ZNF14: variants seen among roughly 807,000 people sequenced by gnomAD.
The protein encoded by ZNF14 is gonadotropin inducible transcription repressor-4.
A neutral mutation model predicts 11.3 loss-of-function variants in ZNF14; 9 were observed. The ratio of observed to expected loss-of-function variants is 0.80; its 90% CI spans 0.48 to 1.39. The LOEUF (loss-of-function observed/expected upper bound fraction) is 1.39. Among genes scored for constraint, ZNF14 ranks in the 40% most tolerant of loss-of-function variants. ZNF14 has a pLI of 0.00. For synonymous variants in ZNF14, 239 were observed against 245.7 expected, an observed-to-expected ratio of 0.97 and a Z score of 0.25; for missense variants, 711 against 763.9, an observed-to-expected ratio of 0.93 and a Z score of 0.82.
At position 19,711,694 on chromosome 19, in the gene ZNF14, C is replaced by T. The variant is rs1351504278; in HGVS notation, c.1587G>A (p.Lys529=). ...REHEKIHTGN[K]PFECKQCGKA... ...TACCACATTGCTTACACTCAAAAGG[C>T]TTATTTCCAGTGTGAATTTTTTCAT... Residue 529 remains lysine, a synonymous_variant, in exon 4 of 4, where the codon AAG becomes AAA. Transcript: ENST00000344099. 21 of 1,613,422 alleles carry T rather than the reference C, an allele frequency of 1.3e-5. No individual in the cohort carries two copies. The highest frequency in any genetic ancestry group is 1.4e-5 in the Non-Finnish European group (17 of 1,179,876).
At chr19:19,721,244 C>T (rs2062392750) in intron 1 of ZNF14, among the ~76,000 whole-genome samples, 1 of 152,170 alleles carries the variant, frequency 6.6e-6, no homozygotes, top group African/African-American at 2.4e-5. Context: ...GCATGAGCCA[C>T]CACCCCCGGC....
In ZNF14 at chr19:19,722,810, G is replaced by C. The variant is rs181955462; in HGVS notation, c.4-8323C>G. Among the ~76,000 whole-genome samples the C allele has an allele frequency of 2.0e-4, 31 of 152,252 alleles. No homozygotes were observed. In the East Asian group the frequency reaches 5.2e-3, roughly 26 times the overall value. ...CTTGAAGAGGTCCTTCACATCCCTT[G>C]TAAGTTGGATTCCTAGGTATTTTAT... On this transcript the variant is annotated intron_variant, in intron 1 of 3. Coordinates refer to ENST00000344099, the MANE Select transcript of ZNF14 (RefSeq NM_021030.3).
rs1001554854 is a variant in ZNF14, at chr19:19,714,450, G to T, written c.41C>A (p.Thr14Asn). ...ATCCAGCAAAGCCCACTCCTCCAGG[G>T]TGAAGTTCACGGCCACATCCTCAAA... ...VSFEDVAVNF[T>N]LEEWALLDSS... Residue 14 changes from threonine (T) to asparagine (N), a missense_variant, in exon 2 of 4, where the codon ACC becomes AAC. Physicochemically the swap from Thr to Asn is moderately conservative, Grantham distance 65. Coordinates refer to ENST00000344099, the MANE Select transcript of ZNF14 (RefSeq NM_021030.3). 16 of 1,613,916 alleles carry T rather than the reference G, an allele frequency of 9.9e-6. No homozygotes were observed. Among genetic ancestry groups the T allele is most frequent in the Non-Finnish European group, 1.4e-5 (16 of 1,179,996 alleles).
chr19:19,717,741 G>A (rs559524872), intron 1 of ZNF14, among the ~76,000 whole-genome samples: 1 of 152,250 alleles, frequency 6.6e-6, no homozygotes, highest in Admixed American at 6.5e-5. Context: ...CACAGCTCGG[G>A]CACAGGCTCA....
chr19:19,729,519 G>A (rs986567515), intron 1 of ZNF14, among the ~76,000 whole-genome samples: 3 of 151,922 alleles, frequency 2.0e-5, no homozygotes, highest in Admixed American at 6.6e-5. Flanking sequence ...GTTTCACCAC[G>A]TTGGCCAGGC....
rs1196348817 is a variant in ZNF14 at position 19,712,255 on chromosome 19, T to C, written c.1026A>G (p.Lys342=). ...GACAGGAATTAGAAGAGTTGAAGGCTTTCCCACATTCTTTACATTTATAAG... is the reference window on the plus strand; with the variant it reads ...GACAGGAATTAGAAGAGTTGAAGGCCTTCCCACATTCTTTACATTTATAAG... ...ARPYKCKECG[K]AFNSSNSCRV... The change falls in exon 4 of 4, where the codon AAA becomes AAG. Residue 342 remains lysine (K), a synonymous_variant. Coordinates refer to ENST00000344099, the MANE Select transcript of ZNF14 (RefSeq NM_021030.3). The C allele has an allele frequency of 1.2e-6, 2 of 1,613,716 alleles. No homozygotes were observed. Among genetic ancestry groups the C allele is most frequent in the South Asian group, 1.1e-5 (1 of 90,982 alleles).
rs751138747 is a variant in ZNF14 at position 19,713,004 on chromosome 19, T to C, written c.277A>G (p.Asn93Asp). 2 of 1,614,046 alleles carry C rather than the reference T, an allele frequency of 1.2e-6. No homozygotes were observed. Among genetic ancestry groups the C allele is most frequent in the African/African-American group, 2.7e-5 (2 of 74,954 alleles). ...TTTGCTCCAGTAAAAGTTTCCTTGTTGATATTAACATTTGGCATCTGGCTA... is the reference window on the plus strand; with the variant it reads ...TTTGCTCCAGTAAAAGTTTCCTTGTCGATATTAACATTTGGCATCTGGCTA... ...TTSQMPNVNI[N>D]KETFTGAKPH... Residue 93 changes from asparagine (N) to aspartate (D), a missense_variant, in exon 4 of 4, where the codon AAC becomes GAC. Physicochemically the swap from Asn to Asp is conservative, Grantham distance 23 (BLOSUM62 1). Coordinates refer to ENST00000344099, the MANE Select transcript of ZNF14 (RefSeq NM_021030.3).
At chr19:19,728,283 C>T (rs1052295779) in intron 1 of ZNF14, among the ~76,000 whole-genome samples, 1 of 131,086 alleles carries the variant, frequency 7.6e-6, no homozygotes, top group African/African-American at 2.8e-5. Flanking sequence ...TTTGAGAGGC[C>T]GTGGTGGGTG....
chr19:19,712,856 T>G lies in ZNF14; in HGVS notation c.425A>C (p.Lys142Thr), dbSNP rs778186887. The change falls in exon 4 of 4, where the codon AAA becomes ACA. Residue 142 changes from lysine to threonine, a missense_variant. Coordinates refer to ENST00000344099, the MANE Select transcript of ZNF14 (RefSeq NM_021030.3). ...EYQEYEKQPCKCKAVGKTFSY... is the reference protein window; with the variant it reads ...EYQEYEKQPCTCKAVGKTFSY... The stretch of plus-strand genomic sequence containing the variant: ...GAAGGTTTTCCCAACTGCTTTACAT[T>G]TACATGGTTGCTTTTCATATTCCTG... The G allele has an allele frequency of 1.2e-6, 2 of 1,614,212 alleles. No individual in the cohort carries two copies. The highest frequency in any genetic ancestry group is 2.2e-5 in the South Asian group (2 of 91,080).
rs761276331 is a variant in ZNF14 at position 19,714,712 on chromosome 19, TC to T, written c.4-226del. 4.7e-5 allele frequency among the ~76,000 whole-genome samples: 5 copies of T among 107,208 alleles called. 1 individual carries two copies. Among genetic ancestry groups the T allele is most frequent in the East Asian group, 5.7e-4 (2 of 3,502 alleles). The allele number at this position is 107,208 out of a possible 152,430, so 70.3% of individuals were successfully genotyped here. ...TTTTTTTCTTTTTCCTTTTTCTTTT[TC>T]TTTTTTTTTTTTTTTTGAGACAGAG... On this transcript the variant is annotated intron_variant, in intron 1 of 3. Coordinates refer to ENST00000344099, the MANE Select transcript of ZNF14 (RefSeq NM_021030.3).
chr19:19,714,250 C>T (rs2062371189), intron 2 of ZNF14, 99 bp from the exon 3 acceptor site: 4 of 1,588,100 alleles, frequency 2.5e-6, no homozygotes, highest in Non-Finnish European at 2.6e-6. Context: ...CTGATTCAAT[C>T]ACTGAAAGAT....
rs1022403337 is a variant in ZNF14, at chr19:19,728,018, A to C, written c.3+4938T>G. On this transcript the variant is annotated intron_variant, in intron 1 of 3. Coordinates refer to ENST00000344099, the MANE Select transcript of ZNF14 (RefSeq NM_021030.3). ...ATAATCCCAGCCACTCGGGAGGCTG[A>C]GGCAGGAGAATCGCTTGAACCTGGG... is the stretch of plus-strand genomic sequence containing the variant. Among the ~76,000 whole-genome samples, 3 of 133,166 alleles carry C rather than the reference A, an allele frequency of 2.3e-5. 1 individual carries two copies. Among genetic ancestry groups the C allele is most frequent in the Non-Finnish European group, 1.7e-5 (1 of 60,100 alleles). 87.4% of individuals were successfully genotyped at this position (133,166 alleles called of 152,430 possible).
At position 19,711,443 on chromosome 19, in the gene ZNF14, T is replaced by C; in HGVS notation, c.1838A>G (p.Lys613Arg). The C allele has an allele frequency of 6.2e-7, 1 of 1,611,648 alleles. No homozygotes were observed. Among genetic ancestry groups the C allele is most frequent in the South Asian group, 1.1e-5 (1 of 90,614 alleles). Residue 613 changes from lysine (K) to arginine (R), a missense_variant, in exon 4 of 4, where the codon AAA becomes AGA. Physicochemically the swap from Lys to Arg is conservative, Grantham distance 26 (BLOSUM62 2). Transcript: ENST00000344099. The part of the protein sequence containing the change: ...RIHERSHTGE[K>R]PYECKQCGKA... ...TCCACATTGTTTGCATTCATAAGGT[T>C]TCTCTCCAGTGTGAGACCTTTCATG...
At chr19:19,732,829 C>T in intron 1 of ZNF14, 127 bp downstream of exon 1, 4 of 1,304,360 alleles carry the variant, frequency 3.1e-6, no homozygotes, top group South Asian at 1.4e-5. Flanking sequence ...GGACCGAGGG[C>T]CGAACTGCGC....
In ZNF14 at chr19:19,711,490, T is replaced by G. The variant is rs768309311; in HGVS notation, c.1791A>C (p.Arg597Ser). 1 of 1,611,282 alleles carries G rather than the reference T, an allele frequency of 6.2e-7. No individual in the cohort carries two copies. The highest frequency in any genetic ancestry group is 1.1e-5 in the South Asian group (1 of 90,726). Residue 597 changes from arginine (R) to serine (S), a missense_variant, in exon 4 of 4, where the codon AGA (arginine) becomes AGC (serine). By Grantham distance (110) the Arg-to-Ser change is moderately radical. Coordinates refer to ENST00000344099, the MANE Select transcript of ZNF14 (RefSeq NM_021030.3). ...CATGAATTCGAACAGAACTTGAAAATCTGAAGGCTTTCCCACATTGTTTAC... is the reference window on the plus strand; with the variant it reads ...CATGAATTCGAACAGAACTTGAAAAGCTGAAGGCTTTCCCACATTGTTTAC... ...YRCKQCGKAF[R>S]FSSSVRIHER...
At chr19:19,725,188 A>C (rs1374220075) in intron 1 of ZNF14, among the ~76,000 whole-genome samples, 6 of 133,302 alleles carry the variant, frequency 4.5e-5, no homozygotes, top group African/African-American at 1.7e-4. Flanking sequence ...GGTCTTTACA[A>C]TTTGGCATGT....
Position 19,711,484 on chromosome 19 carries a change from T to G in ZNF14, c.1797A>C (p.Ser599=), listed in dbSNP as rs1397956643. Residue 599 remains serine, a synonymous_variant, in exon 4 of 4, where the codon TCA becomes TCC. Coordinates refer to ENST00000344099, the MANE Select transcript of ZNF14 (RefSeq NM_021030.3). Reference sequence around the variant, plus strand: ...ACCTTTCATGAATTCGAACAGAACTTGAAAATCTGAAGGCTTTCCCACATT... The same window carrying G: ...ACCTTTCATGAATTCGAACAGAACTGGAAAATCTGAAGGCTTTCCCACATT... The part of the protein sequence containing the change: ...CKQCGKAFRF[S]SSVRIHERSH... 2 of 1,613,326 alleles carry G rather than the reference T, an allele frequency of 1.2e-6. No homozygotes were observed. Among genetic ancestry groups the G allele is most frequent in the African/African-American group, 1.3e-5 (1 of 74,768 alleles).
chr19:19,726,110 G>A (rs1380801103), intron 1 of ZNF14, among the ~76,000 whole-genome samples: 1 of 134,950 alleles, frequency 7.4e-6, no homozygotes, highest in Non-Finnish European at 1.7e-5. Flanking sequence ...TCTCCGTCCA[G>A]CTTTGTTCCA....
intron 1 of ZNF14, among the ~76,000 whole-genome samples, chr19:19,717,877 C>G (rs2062382077): frequency 6.6e-6 from 1 of 152,158 alleles, no homozygotes; most frequent in African/African-American, 2.4e-5. Context: ...TGCACTGTTT[C>G]TTTCTGCATG....
Sources: allele counts gnomAD v4.1 joint callset (sites outside exome capture counted in the v4.1 genomes callset), GRCh38; gene constraint gnomAD v4.1.1; transcripts MANE v1.5; gene names NCBI Gene and HGNC (gene_info 2026-07-23, HGNC 2026-07-21).